The following ANKRD17 variants were observed in gnomAD, a reference collection of about 807,000 sequenced individuals.
ANKRD17 encodes the protein ankyrin repeat domain 17, also known as ankyrin repeat domain-containing protein 17.
A neutral mutation model predicts 229.7 loss-of-function variants in ANKRD17; 19 were observed. The ratio of observed to expected loss-of-function variants is 0.08; its 90% confidence interval spans 0.06 to 0.12. The LOEUF (loss-of-function observed/expected upper bound fraction) is 0.12, where lower values mean the gene tolerates loss of function less well. ANKRD17 is among the 10% of genes least tolerant of loss of function. The pLI, the probability that ANKRD17 is intolerant of heterozygous loss-of-function variation, is 1.00. For synonymous variants in ANKRD17, 1,112 were observed against 1,146.1 expected, an observed-to-expected ratio of 0.97 and a Z score of 0.60; for missense variants, 2,176 against 3,176.8, an observed-to-expected ratio of 0.68 and a Z score of 7.57.
intron 1 of ANKRD17, among the ~76,000 whole-genome samples, chr4:73,237,556 G>C (rs905412725): frequency 6.6e-6 from 1 of 152,132 alleles, no homozygotes; most frequent in African/African-American, 2.4e-5. Context: ...GTAAGAAAAG[G>C]AAGAAAAGGT....
intron 2 of ANKRD17, among the ~76,000 whole-genome samples, chr4:73,173,989 C>T (rs1232078850): frequency 6.6e-6 from 1 of 151,486 alleles, no homozygotes; most frequent in African/African-American, 2.4e-5. Context: ...TGGGAATCCT[C>T]CCTAAATCAT....
At chr4:73,178,230 G>C (rs553693838) in intron 1 of ANKRD17, among the ~76,000 whole-genome samples, 1 of 152,018 alleles carries the variant, frequency 6.6e-6, no homozygotes, top group Non-Finnish European at 1.5e-5. Flanking sequence ...ATAGTTTTTC[G>C]TTTGTACTTT....
chr4:73,100,143 T>A (rs187866596), intron 25 of ANKRD17, among the ~76,000 whole-genome samples: 1 of 152,304 alleles, frequency 6.6e-6, no homozygotes, highest in Admixed American at 6.5e-5. Flanking sequence ...TTCTTCGACA[T>A]CCGTTATTGC....
At position 73,097,345 on chromosome 4, in the gene ANKRD17, C is replaced by T. The variant is rs1299125586; in HGVS notation, c.5022-73G>A. On this transcript the variant is annotated intron_variant, in intron 26 of 33. Coordinates refer to ENST00000358602, the MANE Select transcript of ANKRD17 (RefSeq NM_032217.5). The stretch of plus-strand genomic sequence containing the variant: ...ATTTTTAAATGATAAAGGTAGTCTA[C>T]TACCCAATTTTTAAAAATTTATTTT... 6 of 1,303,584 alleles carry T rather than the reference C, an allele frequency of 4.6e-6. No homozygotes were observed. In the African/African-American group the frequency reaches 9.3e-5, roughly 20 times the overall value. The allele number at this position is 1,303,584 out of a possible 1,614,324, so 80.8% of individuals were successfully genotyped here.
At chr4:73,145,048 A>G (rs1730079007) in intron 10 of ANKRD17, among the ~76,000 whole-genome samples, 1 of 152,186 alleles carries the variant, frequency 6.6e-6, no homozygotes, top group African/African-American at 2.4e-5. Flanking sequence ...ATGTGCTGCC[A>G]AAGTGAGCAC....
At chr4:73,134,472 T>TAA (rs1728630841) in intron 16 of ANKRD17, among the ~76,000 whole-genome samples, 1 of 152,200 alleles carries the variant, frequency 6.6e-6, no homozygotes, top group African/African-American at 2.4e-5. Context: ...AAACACGCAC[T>TAA]ATTCTCTCCA....
Position 73,121,774 on chromosome 4 carries a change from G to GA in ANKRD17, c.3493-16dup. On this transcript the variant is annotated splice_polypyrimidine_tract_variant and intron_variant, in intron 18 of 33. Transcript: ENST00000358602. The stretch of plus-strand genomic sequence containing the variant: ...AGCTCCACCACCTGAAAATAAAATA[G>GA]AAAAAAATATGTTTTCTTATGGAGA... 4 of 1,568,600 alleles carry GA rather than the reference G, an allele frequency of 2.6e-6. No homozygotes were observed. Among genetic ancestry groups the GA allele is most frequent in the Admixed American group, 2.1e-5 (1 of 47,358 alleles).
chr4:73,143,978 G>A (rs181798336), intron 11 of ANKRD17, among the ~76,000 whole-genome samples: 19 of 152,150 alleles, frequency 1.2e-4, no homozygotes, highest in Admixed American at 1.2e-3. Flanking sequence ...AAGACTGAAA[G>A]GACCCTCCTG....
At chr4:73,257,296 T>C (rs966624871) in intron 1 of ANKRD17, among the ~76,000 whole-genome samples, 1 of 152,224 alleles carries the variant, frequency 6.6e-6, no homozygotes, top group Non-Finnish European at 1.5e-5. Flanking sequence ...TATGTTTTAC[T>C]GAGCCTTTGG....
chr4:73,108,201 G>C (rs554602137), intron 24 of ANKRD17, among the ~76,000 whole-genome samples: 1 of 152,222 alleles, frequency 6.6e-6, no homozygotes, highest in South Asian at 2.1e-4. Context: ...TGATTTCAAG[G>C]TTTCTGGCCT....
chr4:73,197,655 A>T (rs967302682), intron 1 of ANKRD17, among the ~76,000 whole-genome samples: 2 of 152,016 alleles, frequency 1.3e-5, no homozygotes, highest in African/African-American at 4.8e-5. Flanking sequence ...ACATAGCAAG[A>T]CCCATCTCTA....
At chr4:73,154,965 C>T (rs1297274999) in intron 5 of ANKRD17, among the ~76,000 whole-genome samples, 6 of 150,064 alleles carry the variant, frequency 4.0e-5, no homozygotes, top group East Asian at 2.0e-4. Context: ...GGCGTGAACC[C>T]GGGAGGCGGA....
chr4:73,112,931 G>T, intron 24 of ANKRD17: 1 of 294,694 alleles, frequency 3.4e-6, no homozygotes, highest in Non-Finnish European at 5.0e-6. Context: ...GGGATTACAG[G>T]CATGCACCAC....
intron 1 of ANKRD17, among the ~76,000 whole-genome samples, chr4:73,229,470 G>C (rs948436434): frequency 6.6e-6 from 1 of 151,790 alleles, no homozygotes; most frequent in Admixed American, 6.6e-5. Context: ...TTTATTCTTA[G>C]TTCATCATTT....
chr4:73,182,443 G>C (rs1164870213), intron 1 of ANKRD17, among the ~76,000 whole-genome samples: 1 of 152,122 alleles, frequency 6.6e-6, no homozygotes, highest in Non-Finnish European at 1.5e-5. Context: ...CAAGAGACCA[G>C]TTATCCAATT....
Position 73,179,486 on chromosome 4 carries a change from GTGTATATA to G in ANKRD17, c.394-1961_394-1954del, listed in dbSNP as rs1409998103. ...TATATATGTGTGTGTGTGTGTGTGT[GTGTATATA>G]TATATATATATATATATATATATAT... On this transcript the variant is annotated intron_variant, in intron 1 of 33. Transcript: ENST00000358602. 8.3e-5 allele frequency among the ~76,000 whole-genome samples: 5 copies of G among 59,984 alleles called. No individual in the cohort carries two copies. The East Asian group carries it at 1.8e-3, about 22-fold the overall frequency. 39.4% of individuals were successfully genotyped at this position (59,984 alleles called of 152,430 possible). A position where few individuals can be genotyped will look rare whatever the true frequency, so the allele number is the denominator to read the frequency against.
At chr4:73,195,306 A>G (rs1737703762) in intron 1 of ANKRD17, among the ~76,000 whole-genome samples, 2 of 152,050 alleles carry the variant, frequency 1.3e-5, no homozygotes. Flanking sequence ...TTCATGATAT[A>G]TATTGGTTTT....
intron 1 of ANKRD17, among the ~76,000 whole-genome samples, chr4:73,184,106 T>C (rs1735940109): frequency 6.6e-6 from 1 of 152,168 alleles, no homozygotes. Flanking sequence ...GCGGGGTCAT[T>C]TGGACCAACT....
intron 1 of ANKRD17, among the ~76,000 whole-genome samples, chr4:73,241,403 T>C (rs929624326): frequency 6.6e-6 from 1 of 152,154 alleles, no homozygotes; most frequent in African/African-American, 2.4e-5. Flanking sequence ...AAATGTGATC[T>C]ATACATACAA....
Sources: gnomAD v4.1 joint callset for allele counts (sites outside exome capture counted in the v4.1 genomes callset) on GRCh38, gnomAD v4.1.1 for gene constraint, MANE v1.5 for transcripts, NCBI Gene and HGNC (gene_info 2026-07-23, HGNC 2026-07-21) for gene names.